Variants in LGALSL observed in about 807,000 individuals in gnomAD.
The protein encoded by LGALSL is galectin like.
In LGALSL, 13 loss-of-function variants were observed where a neutral mutation model predicts 19.5. The ratio of observed to expected loss-of-function variants is 0.67; its 90% CI spans 0.43 to 1.06. The LOEUF (loss-of-function observed/expected upper bound fraction) is 1.06, where lower values mean the gene tolerates loss of function less well. Ranked by LOEUF, LGALSL falls within the 50% of genes least tolerant of loss-of-function variation. The pLI, the probability that LGALSL is intolerant of heterozygous loss-of-function variation, is 0.00. For missense variants in LGALSL, 189 were observed against 219.3 expected, an observed-to-expected ratio of 0.86 and a Z score of 0.87; for synonymous variants, 86 against 78.3, an observed-to-expected ratio of 1.10 and a Z score of -0.52.
intron 4 of LGALSL, among the ~76,000 whole-genome samples, chr2:64,457,794 G>C (rs776704651): frequency 1.3e-5 from 2 of 152,064 alleles, no homozygotes; most frequent in Non-Finnish European, 2.9e-5. Context: ...ATGTCCCCTT[G>C]GGCTCCTCTT....
At position 64,458,439 on chromosome 2, in the gene LGALSL, C is replaced by A. The variant is rs890146515; in HGVS notation, c.*11C>A. On this transcript the variant is annotated 3_prime_UTR_variant, in exon 5 of 5. Transcript: ENST00000238875. ...ACCAAGCTTGGCTGATTTAAACCACCTCTATTTCAAATAGGATCACGTGCC... is the reference window on the plus strand; with the variant it reads ...ACCAAGCTTGGCTGATTTAAACCACATCTATTTCAAATAGGATCACGTGCC... 6 of 1,609,426 alleles carry A rather than the reference C, an allele frequency of 3.7e-6. No homozygotes were observed. The African/African-American group carries it at 8.0e-5, about 22-fold the overall frequency.
chr2:64,458,153 C>G (rs1686764409), intron 4 of LGALSL, 132 bp from the exon 5 acceptor site: 1 of 798,950 alleles, frequency 1.3e-6, no homozygotes, highest in South Asian at 1.7e-5. Context: ...AACAAGCCCT[C>G]TGCAGGTCTC....
rs1686810252 is a variant in LGALSL at position 64,460,564 on chromosome 2, T to A, written c.*2136T>A. 1 of 152,224 alleles carries A rather than the reference T, an allele frequency of 6.6e-6. No individual in the cohort carries two copies. The allele number at this position is 152,224 out of a possible 1,614,324, so 9.4% of individuals were successfully genotyped here. On this transcript the variant is annotated 3_prime_UTR_variant, in exon 5 of 5. Coordinates refer to ENST00000238875, the MANE Select transcript of LGALSL (RefSeq NM_014181.3). ...TTCTGTCTACCTATCAGCTAACTCATTAGCAGCCAAGCCCTTAGGCAGCTT... is the reference window on the plus strand; with the variant it reads ...TTCTGTCTACCTATCAGCTAACTCAATAGCAGCCAAGCCCTTAGGCAGCTT...
In LGALSL at chr2:64,455,359, C is replaced by A; in HGVS notation, c.52C>A (p.His18Asn). Residue 18 changes from histidine (H) to asparagine (N), a missense_variant, in exon 2 of 5, where the codon CAT (histidine) becomes AAT (asparagine). Physicochemically the swap from His to Asn is moderately conservative, Grantham distance 68. Transcript: ENST00000238875. ...CTATTTTTAGAAACTAGATGATGGC[C>A]ATTTAAACAACTCTTTGAGCTCTCC... is the stretch of plus-strand genomic sequence containing the variant. ...SDAVVKLDDG[H>N]LNNSLSSPVQ... The A allele has an allele frequency of 1.2e-6, 2 of 1,613,002 alleles. No homozygotes were observed. Among genetic ancestry groups the A allele is most frequent in the South Asian group, 1.1e-5 (1 of 91,062 alleles).
At chr2:64,456,947 C>T (rs977693199) in intron 4 of LGALSL, among the ~76,000 whole-genome samples, 1 of 152,140 alleles carries the variant, frequency 6.6e-6, no homozygotes, top group Non-Finnish European at 1.5e-5. Flanking sequence ...TTGTTTCCCC[C>T]TCTGGATTAA....
At chr2:64,456,610 A>C in intron 4 of LGALSL, 145 bp downstream of exon 4, 1 of 630,022 alleles carries the variant, frequency 1.6e-6, no homozygotes, top group Non-Finnish European at 2.6e-6. Flanking sequence ...AAAAGATCAA[A>C]AGAGCTCTGT....
In LGALSL at chr2:64,461,248, T is replaced by G. The variant is rs1443197076; in HGVS notation, c.*2820T>G. 6.6e-6 allele frequency: 1 copy of G among 152,228 alleles called. No individual in the cohort carries two copies. The highest frequency in any genetic ancestry group is 1.5e-5 in the Non-Finnish European group (1 of 68,028). The allele number at this position is 152,228 out of a possible 1,614,324, so 9.4% of individuals were successfully genotyped here. A position where few individuals can be genotyped will look rare whatever the true frequency, so the allele number is the denominator to read the frequency against. ...TTTTCTGGCATTAATGTAGAAATAA[T>G]GTTCCTATGATGACATATTTTCAAA... is the stretch of plus-strand genomic sequence containing the variant. On this transcript the variant is annotated 3_prime_UTR_variant, in exon 5 of 5. Coordinates refer to ENST00000238875, the MANE Select transcript of LGALSL (RefSeq NM_014181.3).
Position 64,454,394 on chromosome 2 carries a change from G to T in LGALSL, c.-152G>T, listed in dbSNP as rs1309887104. 18 of 382,910 alleles carry T rather than the reference G, an allele frequency of 4.7e-5. No individual in the cohort carries two copies. The highest frequency in any genetic ancestry group is 7.3e-5 in the Non-Finnish European group (16 of 220,434). 23.7% of individuals were successfully genotyped at this position (382,910 alleles called of 1,614,324 possible). A position where few individuals can be genotyped will look rare whatever the true frequency, so the allele number is the denominator to read the frequency against. ...AGGCTCTGCCTGCCAGGTCGGCGCC[G>T]GGCCCCGGGCGCGCGCGCGCGCGCC... On this transcript the variant is annotated 5_prime_UTR_variant, in exon 1 of 5. Coordinates refer to ENST00000238875, the MANE Select transcript of LGALSL (RefSeq NM_014181.3). This position sits in a 1 kb window ranked among gnomAD's most constrained non-coding sequence, Gnocchi z 5.1.
Position 64,458,549 on chromosome 2 carries a change from C to A in LGALSL, c.*121C>A. ...GAAAACAAAAACAAATGGCAAGTTT[C>A]ACTTAAGGGTGGTTTGCCCTTAAGA... On this transcript the variant is annotated 3_prime_UTR_variant, in exon 5 of 5. Coordinates refer to ENST00000238875, the MANE Select transcript of LGALSL (RefSeq NM_014181.3). 9.9e-7 allele frequency: 1 copy of A among 1,010,176 alleles called. No homozygotes were observed. Among genetic ancestry groups the A allele is most frequent in the Non-Finnish European group, 1.4e-6 (1 of 699,266 alleles). 62.6% of individuals were successfully genotyped at this position (1,010,176 alleles called of 1,614,324 possible). A position where few individuals can be genotyped will look rare whatever the true frequency, so the allele number is the denominator to read the frequency against.
intron 3 of LGALSL, 37 bp downstream of exon 3, chr2:64,455,714 C>A: frequency 6.7e-7 from 1 of 1,498,880 alleles, no homozygotes; most frequent in Non-Finnish European, 9.3e-7. Context: ...AACTATCAGG[C>A]TGTGGCTGAG....
chr2:64,455,797 C>T, intron 3 of LGALSL, 120 bp downstream of exon 3: 1 of 732,628 alleles, frequency 1.4e-6, no homozygotes, highest in East Asian at 2.7e-5. Context: ...TTGCCAGTGC[C>T]AAGAAAGTAC....
At position 64,455,422 on chromosome 2, in the gene LGALSL, G is replaced by A; in HGVS notation, c.108+7G>A. ...CGTGTACTTCCCACGACTGGTAAAT[G>A]ATTTTGCTCTGTGTCTCTGCCTGTA... On this transcript the variant is annotated splice_region_variant and intron_variant, in intron 2 of 4. Coordinates refer to ENST00000238875, the MANE Select transcript of LGALSL (RefSeq NM_014181.3). The A allele has an allele frequency of 6.2e-7, 1 of 1,610,430 alleles. No homozygotes were observed. Among genetic ancestry groups the A allele is most frequent in the Non-Finnish European group, 8.5e-7 (1 of 1,176,616 alleles).
chr2:64,456,983 C>A (rs1278168221), intron 4 of LGALSL, among the ~76,000 whole-genome samples: 1 of 152,172 alleles, frequency 6.6e-6, no homozygotes, highest in East Asian at 1.9e-4. Context: ...TTCATGGTTA[C>A]AGGCTGTGTG....
rs1176244224 is a variant in LGALSL, at chr2:64,454,710, C to T, written c.36+129C>T. On this transcript the variant is annotated intron_variant, in intron 1 of 4. Transcript: ENST00000238875. This position sits in a 1 kb window ranked among gnomAD's most constrained non-coding sequence, Gnocchi z 5.1. ...CGGCGCCCGGCGCGTGGGAAGGCGC[C>T]CGGTACCTGTTAGCAGCCGCTGGCT... The T allele has an allele frequency of 1.1e-5, 6 of 563,010 alleles. No homozygotes were observed. The highest frequency in any genetic ancestry group is 1.3e-5 in the Non-Finnish European group (5 of 389,462). 34.9% of individuals were successfully genotyped at this position (563,010 alleles called of 1,614,324 possible).
rs1254149428 is a variant in LGALSL at position 64,454,411 on chromosome 2, G to C, written c.-135G>C. The C allele has an allele frequency of 2.6e-6, 1 of 382,510 alleles. No homozygotes were observed. The highest frequency in any genetic ancestry group is 4.4e-6 in the Non-Finnish European group (1 of 225,686). The allele number at this position is 382,510 out of a possible 1,614,324, so 23.7% of individuals were successfully genotyped here. A position where few individuals can be genotyped will look rare whatever the true frequency, so the allele number is the denominator to read the frequency against. On this transcript the variant is annotated 5_prime_UTR_variant, in exon 1 of 5. Transcript: ENST00000238875. The surrounding 1 kb of genome is among the most constrained non-coding windows in gnomAD (Gnocchi z 5.1). Reference sequence around the variant, plus strand: ...TCGGCGCCGGGCCCCGGGCGCGCGCGCGCGCGCCCCCTCGTGTGTGCGCGC... The same window carrying C: ...TCGGCGCCGGGCCCCGGGCGCGCGCCCGCGCGCCCCCTCGTGTGTGCGCGC...
At position 64,459,402 on chromosome 2, in the gene LGALSL, A is replaced by T. The variant is rs1410689344; in HGVS notation, c.*974A>T. On this transcript the variant is annotated 3_prime_UTR_variant, in exon 5 of 5. Transcript: ENST00000238875. ...TAAAGTGACTATAGTATAAACTTTTAAAAGAATAATATGAAAATGACTGTG... is the reference window on the plus strand; with the variant it reads ...TAAAGTGACTATAGTATAAACTTTTTAAAGAATAATATGAAAATGACTGTG... 6.6e-6 allele frequency: 1 copy of T among 152,240 alleles called. No homozygotes were observed. The highest frequency in any genetic ancestry group is 2.4e-5 in the African/African-American group (1 of 41,454). The allele number at this position is 152,240 out of a possible 1,614,324, so 9.4% of individuals were successfully genotyped here.
intron 3 of LGALSL, among the ~76,000 whole-genome samples, chr2:64,456,006 A>G (rs555392754): frequency 1.3e-5 from 2 of 152,082 alleles, no homozygotes; most frequent in Admixed American, 6.5e-5. Context: ...AACCCAACTT[A>G]ACATTATTTC....
intron 1 of LGALSL, among the ~76,000 whole-genome samples, chr2:64,455,058 G>T (rs1286011491): frequency 2.0e-5 from 3 of 152,238 alleles, no homozygotes; most frequent in South Asian, 2.1e-4. Flanking sequence ...TTGGAGAGGG[G>T]CCTGCCCTCC....
At position 64,454,372 on chromosome 2, in the gene LGALSL, C is replaced by T; in HGVS notation, c.-174C>T. The T allele has an allele frequency of 2.6e-6, 1 of 389,242 alleles. No individual in the cohort carries two copies. The highest frequency in any genetic ancestry group is 3.7e-5 in the East Asian group (1 of 27,340). The allele number at this position is 389,242 out of a possible 1,614,324, so 24.1% of individuals were successfully genotyped here. ...CTCCCTCCCCTCCCCTCCTCCCAGGCTCTGCCTGCCAGGTCGGCGCCGGGC... is the reference window on the plus strand; with the variant it reads ...CTCCCTCCCCTCCCCTCCTCCCAGGTTCTGCCTGCCAGGTCGGCGCCGGGC... On this transcript the variant is annotated 5_prime_UTR_variant, in exon 1 of 5. Coordinates refer to ENST00000238875, the MANE Select transcript of LGALSL (RefSeq NM_014181.3). The surrounding 1 kb of genome is among the most constrained non-coding windows in gnomAD (Gnocchi z 5.1).
Sources: gnomAD v4.1 joint callset for allele counts (sites outside exome capture counted in the v4.1 genomes callset) on GRCh38, gnomAD v4.1.1 for gene constraint, Gnocchi (gnomAD v3.1) non-coding constraint, MANE v1.5 for transcripts, NCBI Gene and HGNC (gene_info 2026-07-23, HGNC 2026-07-21) for gene names.